CCDC141: variants seen among roughly 807,000 people sequenced by gnomAD.
CCDC141 encodes coiled-coil domain-containing protein 141.
A neutral mutation model predicts 181.0 loss-of-function variants in CCDC141; 168 were observed. The observed-to-expected ratio is 0.93, with a 90% CI of 0.82 to 1.05. The LOEUF is 1.05. CCDC141 is among the 50% of genes least tolerant of loss of function. The probability of loss-of-function intolerance (pLI) is 0.00; values close to 1 mark genes in which losing one functional copy is unlikely to be tolerated. For synonymous variants in CCDC141, 666 were observed against 642.3 expected, an observed-to-expected ratio of 1.04 and a Z score of -0.56; for missense variants, 1,902 against 1,788.5, an observed-to-expected ratio of 1.06 and a Z score of -1.14.
intron 11 of CCDC141, among the ~76,000 whole-genome samples, chr2:178,884,443 A>T (rs191743340): frequency 9.8e-5 from 15 of 152,290 alleles, no homozygotes; most frequent in Admixed American, 9.2e-4. Context: ...TAGATTTACT[A>T]GGTGTGCAAC....
Position 178,877,990 on chromosome 2 carries a change from G to A in CCDC141, c.1873C>T (p.Leu625Phe), listed in dbSNP as rs776415248. The A allele has an allele frequency of 3.1e-6, 5 of 1,613,746 alleles. No individual in the cohort carries two copies. In the South Asian group the frequency reaches 3.3e-5, roughly 11 times the overall value. Residue 625 changes from leucine to phenylalanine, a missense_variant, in exon 12 of 24, where the codon CTT (leucine) becomes TTT (phenylalanine). Transcript: ENST00000443758. The stretch of plus-strand genomic sequence containing the variant: ...ATATTTATTAAATTAAGGAACTCAA[G>A]CCCTAGATCTTGTGTTATAAAACTC... ...KKSFITQDLG[L>F]EFLNLINMAK... is the part of the protein sequence containing the mutation.
At chr2:179,017,447 T>G (rs568730650) in intron 2 of CCDC141, among the ~76,000 whole-genome samples, 1 of 152,142 alleles carries the variant, frequency 6.6e-6, no homozygotes, top group South Asian at 2.1e-4. Context: ...GCACACTGGG[T>G]TCCCACCTTT....
intron 2 of CCDC141, among the ~76,000 whole-genome samples, chr2:179,045,471 A>G (rs1410995488): frequency 1.3e-5 from 2 of 152,178 alleles, no homozygotes; most frequent in African/African-American, 4.8e-5. Context: ...TGCAATAAAC[A>G]TACGTGTGCA....
intron 2 of CCDC141, among the ~76,000 whole-genome samples, chr2:179,045,414 G>C (rs1282689505): frequency 6.6e-6 from 1 of 151,512 alleles, no homozygotes; most frequent in African/African-American, 2.4e-5. Flanking sequence ...GTCTATCATT[G>C]TTGGACATTT....
intron 7 of CCDC141, 124 bp from the exon 8 acceptor site, chr2:178,905,625 A>C (rs1398861806): frequency 2.2e-6 from 2 of 912,644 alleles, no homozygotes; most frequent in Non-Finnish European, 1.6e-6. Flanking sequence ...AACAAAAAAC[A>C]ACCATCTTAA....
intron 7 of CCDC141, among the ~76,000 whole-genome samples, chr2:178,911,574 T>G (rs1688220451): frequency 6.6e-6 from 1 of 152,234 alleles, no homozygotes; most frequent in African/African-American, 2.4e-5. Flanking sequence ...TGTGTACAAT[T>G]TATCACCAAC....
chr2:178,971,502 T>C (rs888766944), intron 4 of CCDC141, among the ~76,000 whole-genome samples: 2 of 152,188 alleles, frequency 1.3e-5, no homozygotes, highest in African/African-American at 4.8e-5. Flanking sequence ...CCATTGTGGA[T>C]GACAGTGTGG....
At chr2:179,001,613 G>C (rs922131645) in intron 2 of CCDC141, 1 of 152,240 alleles carries the variant, frequency 6.6e-6, no homozygotes, top group South Asian at 2.1e-4. Flanking sequence ...AAAGCATCTG[G>C]AAATCAGAGA....
chr2:178,972,930 A>T (rs933619828), intron 4 of CCDC141, among the ~76,000 whole-genome samples: 2 of 152,216 alleles, frequency 1.3e-5, no homozygotes. Flanking sequence ...AGCTAATTGA[A>T]ATAAAGTGAC....
In CCDC141 at chr2:179,036,122, C is replaced by A. The variant is rs190647183; in HGVS notation, c.225+11162G>T. Among the ~76,000 whole-genome samples the A allele has an allele frequency of 2.6e-5, 4 of 152,308 alleles. No homozygotes were observed. The East Asian group carries it at 7.7e-4, about 29-fold the overall frequency. On this transcript the variant is annotated intron_variant, in intron 2 of 23. Coordinates refer to ENST00000443758, the MANE Select transcript of CCDC141 (RefSeq NM_173648.4). ...GGCCCATCAGCCTCTGCTAAGAAGTCCAACCTTGATTCCTGGGCCAGGACA... is the reference window on the plus strand; with the variant it reads ...GGCCCATCAGCCTCTGCTAAGAAGTACAACCTTGATTCCTGGGCCAGGACA...
Position 178,878,042 on chromosome 2 carries a change from C to T in CCDC141, c.1821G>A (p.Glu607=). The change falls in exon 12 of 24, where the codon GAG becomes GAA. Residue 607 remains glutamate (E), a synonymous_variant. Coordinates refer to ENST00000443758, the MANE Select transcript of CCDC141 (RefSeq NM_173648.4). ...AKAKHCSDSA[E]KQWQLFLKKS... ...TCTTTAAAAATAGCTGCCACTGCTT[C>T]TCAGCCGAGTCAGAACAATGCTTGG... is the stretch of plus-strand genomic sequence containing the variant. The T allele has an allele frequency of 6.2e-7, 1 of 1,613,960 alleles. No homozygotes were observed. Among genetic ancestry groups the T allele is most frequent in the Non-Finnish European group, 8.5e-7 (1 of 1,179,880 alleles).
chr2:179,002,293 A>T, intron 2 of CCDC141: 1 of 280,640 alleles, frequency 3.6e-6, no homozygotes, highest in South Asian at 3.6e-5. Flanking sequence ...AGTACAGGGC[A>T]TTCCTGTTAT....
intron 4 of CCDC141, among the ~76,000 whole-genome samples, chr2:178,968,691 C>T (rs189607101): frequency 4.0e-5 from 6 of 151,844 alleles, no homozygotes; most frequent in Admixed American, 6.6e-5. Context: ...GAGAAGCGAC[C>T]GCAAACAAAT....
intron 22 of CCDC141, 134 bp downstream of exon 22, chr2:178,845,492 C>T (rs1575121835): frequency 3.2e-6 from 2 of 616,538 alleles, no homozygotes; most frequent in Admixed American, 2.8e-5. Context: ...GGAGGAAACT[C>T]ACATTGCATT....
At chr2:178,956,863 A>G (rs1690181359) in intron 5 of CCDC141, among the ~76,000 whole-genome samples, 1 of 151,710 alleles carries the variant, frequency 6.6e-6, no homozygotes, top group African/African-American at 2.4e-5. Flanking sequence ...GGGGGAAAGA[A>G]TCTGGGCTGA....
At chr2:178,865,505 T>C (rs918184024) in intron 17 of CCDC141, among the ~76,000 whole-genome samples, 3 of 152,160 alleles carry the variant, frequency 2.0e-5, no homozygotes, top group African/African-American at 7.2e-5. Flanking sequence ...CCAAAAAAAC[T>C]GTACTACTGA....
chr2:178,981,657 T>TATATATATATACAC (rs1553495348), intron 2 of CCDC141, among the ~76,000 whole-genome samples: 1 of 132,066 alleles, frequency 7.6e-6, no homozygotes, highest in African/African-American at 2.9e-5. Context: ...TATATATATA[T>TATATATATATACAC]ACATACATAT....
chr2:178,835,001 C>A (rs937958318), intron 23 of CCDC141, among the ~76,000 whole-genome samples: 1 of 152,040 alleles, frequency 6.6e-6, no homozygotes, highest in Admixed American at 6.6e-5. Context: ...TATCCAGCTA[C>A]CCCTAAAAAC....
chr2:179,035,346 T>A (rs2043114981), intron 2 of CCDC141, among the ~76,000 whole-genome samples: 1 of 152,174 alleles, frequency 6.6e-6, no homozygotes, highest in Non-Finnish European at 1.5e-5. Flanking sequence ...ACTCTTGTTT[T>A]CTTCTGCCTG....
Sources: gnomAD v4.1 joint callset for allele counts (sites outside exome capture counted in the v4.1 genomes callset) on GRCh38, gnomAD v4.1.1 for gene constraint, MANE v1.5 for transcripts, NCBI Gene and HGNC (gene_info 2026-07-23, HGNC 2026-07-21) for gene names.